The following NLGN4X variants were observed in gnomAD, a reference collection of about 807,000 sequenced individuals.
NLGN4X encodes the protein neuroligin-4, X-linked.
NLGN4X carries 3 observed loss-of-function variants against 40.3 expected under a neutral mutation model. The observed-to-expected ratio is 0.07, with a 90% CI of 0.03 to 0.19. The LOEUF (loss-of-function observed/expected upper bound fraction) is 0.19, where lower values mean the gene tolerates loss of function less well. NLGN4X is among the 10% of genes least tolerant of loss of function. The pLI is 1.00. For missense variants in NLGN4X, 382 were observed against 708.3 expected (o/e 0.54, Z 5.23); for synonymous variants, 270 against 306.8 (o/e 0.88, Z 1.25).
chrX:5,979,987 T>C (rs1456658850), intron 3 of NLGN4X, among the ~76,000 whole-genome samples: 1 of 107,159 alleles, frequency 9.3e-6, no homozygotes, highest in Non-Finnish European at 1.9e-5. Context: ...TTTATTTAAA[T>C]AGGCTTTTAC....
chrX:6,010,602 C>T (rs1341269663), intron 3 of NLGN4X, among the ~76,000 whole-genome samples: 1 of 106,831 alleles, frequency 9.4e-6, no homozygotes, highest in Non-Finnish European at 1.9e-5. Flanking sequence ...AATCTCAGCT[C>T]ATTACAACCT....
At chrX:6,149,673 A>G (rs145460553) in intron 2 of NLGN4X, among the ~76,000 whole-genome samples, 24 of 111,745 alleles carry the variant, frequency 2.1e-4, no homozygotes, top group Admixed American at 9.6e-4. Flanking sequence ...GTCTGTCACC[A>G]TAACGACAAG....
chrX:6,041,983 G>T (rs930043513), intron 2 of NLGN4X, among the ~76,000 whole-genome samples: 19 of 112,082 alleles, frequency 1.7e-4, no homozygotes, highest in African/African-American at 5.5e-4. Flanking sequence ...TATAATTCAT[G>T]ACGTGGCAAT....
chrX:6,084,436 C>T (rs1217186901), intron 2 of NLGN4X, among the ~76,000 whole-genome samples: 1 of 111,174 alleles, frequency 9.0e-6, no homozygotes, highest in Admixed American at 9.6e-5. Flanking sequence ...CTCCTAGATC[C>T]CACTTGGGAG....
intron 3 of NLGN4X, among the ~76,000 whole-genome samples, chrX:5,925,843 TACATACAC>T (rs2033253924): frequency 5.7e-5 from 3 of 52,783 alleles, no homozygotes; most frequent in South Asian, 8.1e-4. Context: ...TATATATATA[TACATACAC>T]ATATATATAT....
chrX:6,219,575 C>T (rs895744655), intron 1 of NLGN4X, among the ~76,000 whole-genome samples: 4 of 99,695 alleles, frequency 4.0e-5, no homozygotes, highest in African/African-American at 1.5e-4. Context: ...TTTCTTTCTT[C>T]CTTCCTTCCT....
intron 3 of NLGN4X, among the ~76,000 whole-genome samples, chrX:5,957,026 G>A (rs1000693438): frequency 5.4e-5 from 6 of 110,748 alleles, no homozygotes; most frequent in African/African-American, 2.0e-4. Context: ...AACTGAGAGA[G>A]AGAGACAGTC....
At chrX:6,091,161 G>A (rs1487453859) in intron 2 of NLGN4X, among the ~76,000 whole-genome samples, 2 of 110,112 alleles carry the variant, frequency 1.8e-5, no homozygotes, top group African/African-American at 3.3e-5. Context: ...AAACAGGCTG[G>A]CATGACTGAT....
intron 1 of NLGN4X, among the ~76,000 whole-genome samples, chrX:6,155,877 T>C (rs1347058892): frequency 8.9e-6 from 1 of 111,942 alleles, no homozygotes; most frequent in Non-Finnish European, 1.9e-5. Context: ...TGGCTATTCA[T>C]AAAACATCAA....
intron 1 of NLGN4X, among the ~76,000 whole-genome samples, chrX:6,212,377 G>A (rs1924694025): frequency 9.1e-6 from 1 of 110,336 alleles, no homozygotes; most frequent in Non-Finnish European, 1.9e-5. Flanking sequence ...CCGCCTGTAT[G>A]CATATTAAAA....
At chrX:6,049,556 T>C (rs1333721611) in intron 2 of NLGN4X, among the ~76,000 whole-genome samples, 1 of 109,609 alleles carries the variant, frequency 9.1e-6, no homozygotes, top group Admixed American at 9.8e-5. Flanking sequence ...CTTCTTTGAG[T>C]CTTCGTTTCC....
chrX:6,188,592 T>C (rs775952478), intron 1 of NLGN4X, among the ~76,000 whole-genome samples: 1 of 111,144 alleles, frequency 9.0e-6, no homozygotes, highest in South Asian at 3.9e-4. Context: ...ACCACATTGA[T>C]TTGCATAACT....
intron 3 of NLGN4X, among the ~76,000 whole-genome samples, chrX:5,951,578 TA>T (rs763158221): frequency 9.1e-6 from 1 of 110,397 alleles, no homozygotes; most frequent in Non-Finnish European, 1.9e-5. Flanking sequence ...CCACGGCTTG[TA>T]AAAAAAATTG....
intron 3 of NLGN4X, among the ~76,000 whole-genome samples, chrX:5,948,280 G>C (rs749699929): frequency 8.9e-6 from 1 of 111,803 alleles, no homozygotes; most frequent in Non-Finnish European, 1.9e-5. Context: ...AAATAAAATG[G>C]TGTTCACAAT....
chrX:6,080,696 G>A (rs966879448), intron 2 of NLGN4X, among the ~76,000 whole-genome samples: 4 of 111,644 alleles, frequency 3.6e-5, no homozygotes, highest in African/African-American at 1.3e-4. Flanking sequence ...AATCTTCAAG[G>A]GCAAAGTGGA....
intron 1 of NLGN4X, chrX:6,187,383 G>C (rs1447596874): frequency 1.8e-5 from 2 of 108,587 alleles, no homozygotes; most frequent in Non-Finnish European, 3.8e-5. Flanking sequence ...TGAGGCCAGG[G>C]AATGGCGTGA....
intron 3 of NLGN4X, among the ~76,000 whole-genome samples, chrX:6,028,162 C>G (rs188693988): frequency 1.2e-3 from 129 of 111,575 alleles, no homozygotes; most frequent in African/African-American, 4.2e-3. Flanking sequence ...CACACTGGAA[C>G]CAATATACAC....
intron 2 of NLGN4X, among the ~76,000 whole-genome samples, chrX:6,044,904 A>G: frequency 8.9e-6 from 1 of 112,724 alleles, no homozygotes; most frequent in East Asian, 2.8e-4. Flanking sequence ...AGGAACACTT[A>G]GGGAATCATT....
intron 3 of NLGN4X, among the ~76,000 whole-genome samples, chrX:5,911,279 G>T (rs1206487075): frequency 8.9e-6 from 1 of 111,890 alleles, no homozygotes; most frequent in Non-Finnish European, 1.9e-5. Context: ...AGAATGACTT[G>T]TTGACTTATT....
Sources: allele counts gnomAD v4.1 joint callset (sites outside exome capture counted in the v4.1 genomes callset), GRCh38; gene constraint gnomAD v4.1.1; transcripts MANE v1.5; gene names NCBI Gene and HGNC (gene_info 2026-07-23, HGNC 2026-07-21).